The following COX7A2L variants were observed in gnomAD, a reference collection of about 807,000 sequenced individuals.
COX7A2L encodes the protein cytochrome c oxidase subunit 7A2 like, also known as cytochrome c oxidase subunit 7A2-like, mitochondrial.
In COX7A2L, 18 loss-of-function variants were observed where a neutral mutation model predicts 14.2. The ratio of observed to expected loss-of-function variants is 1.27; its 90% confidence interval spans 0.88 to 1.88. The LOEUF (loss-of-function observed/expected upper bound fraction) is 1.88. Among genes scored for constraint, COX7A2L ranks in the 40% most tolerant of loss-of-function variants. The pLI is 0.00. For missense variants in COX7A2L, 179 were observed against 138.8 expected (o/e 1.29, Z -1.46); for synonymous variants, 65 against 57.4 (o/e 1.13, Z -0.60).
At position 42,361,209 on chromosome 2, in the gene COX7A2L, C is replaced by T. The variant is rs753828368; in HGVS notation, c.-48G>A. ...GCATCCGCTGCCAACGCGACCGCCC[C>T]AGAGAAGGACCCCGCCTCCCCGGCT... On this transcript the variant is annotated 5_prime_UTR_variant, in exon 1 of 3. Coordinates refer to ENST00000234301, the MANE Select transcript of COX7A2L (RefSeq NM_004718.4). 2.6e-5 allele frequency: 40 copies of T among 1,534,688 alleles called. No homozygotes were observed. The Admixed American group carries it at 6.3e-4, about 24-fold the overall frequency.
chr2:42,361,195 C>T lies in COX7A2L; in HGVS notation c.-34G>A. On this transcript the variant is annotated 5_prime_UTR_variant, in exon 1 of 3. Coordinates refer to ENST00000234301, the MANE Select transcript of COX7A2L (RefSeq NM_004718.4). ...GAGTCCGGCTTCCCGCATCCGCTGC[C>T]AACGCGACCGCCCCAGAGAAGGACC... 1 of 1,572,642 alleles carries T rather than the reference C, an allele frequency of 6.4e-7. No homozygotes were observed. Among genetic ancestry groups the T allele is most frequent in the Non-Finnish European group, 8.7e-7 (1 of 1,154,834 alleles).
In COX7A2L at chr2:42,338,161, AC is replaced by A. The variant is rs201848865; in HGVS notation, c.193-4293del. On this transcript the variant is annotated intron_variant, in intron 2 of 2. Coordinates refer to the COX7A2L transcript ENST00000468711. The surrounding 1 kb of genome is among the most constrained non-coding windows in gnomAD (Gnocchi z 4.4). ...ACCCTACTCCCCATGCTCCTGGCCC[AC>A]ATGCAAGGCAGAGACAGCCGTTCCG... 1.2e-3 allele frequency among the ~76,000 whole-genome samples: 178 copies of A among 152,256 alleles called. 6 individuals carry two copies. In the East Asian group the frequency reaches 0.028, roughly 24 times the overall value.
chr2:42,361,723 C>T (rs1572803422), upstream of COX7A2L: 2 of 152,866 alleles, frequency 1.3e-5, no homozygotes, highest in East Asian at 1.9e-4. Flanking sequence ...CTTTACCGAA[C>T]TTTAACTGAT....
intron 2 of COX7A2L, among the ~76,000 whole-genome samples, chr2:42,336,253 A>G (rs1572780048): frequency 6.6e-6 from 1 of 152,176 alleles, no homozygotes; most frequent in South Asian, 2.1e-4. Flanking sequence ...TCTCCCTGTT[A>G]GCAATATAAT....
At chr2:42,360,896 G>A in intron 1 of COX7A2L, 194 bp downstream of exon 1, 1 of 637,924 alleles carries the variant, frequency 1.6e-6, no homozygotes, top group Non-Finnish European at 2.8e-6. Context: ...GCCCCCGCCA[G>A]GTGAGCAGGT....
At chr2:42,336,825 T>TG (rs36082333) in intron 2 of COX7A2L, among the ~76,000 whole-genome samples, 74,138 of 151,880 alleles carry the variant, frequency 0.49, 18,692 homozygotes, top group East Asian at 0.75. Context: ...GTGTGAATCC[T>TG]GGGGAGTTTA....
At chr2:42,366,740 G>C (rs1671172084) in intron 1 of COX7A2L, among the ~76,000 whole-genome samples, 1 of 152,220 alleles carries the variant, frequency 6.6e-6, no homozygotes, top group South Asian at 2.1e-4. Flanking sequence ...TTTGAGTCTA[G>C]TCTATGTTTG....
chr2:42,355,717 CTTT>C (rs386390054), intron 1 of COX7A2L, among the ~76,000 whole-genome samples: 3 of 69,052 alleles, frequency 4.3e-5, no homozygotes, highest in African/African-American at 1.2e-4. Flanking sequence ...ATCCTACGTT[CTTT>C]TTTTTTTTTT....
rs1172381152 is a variant in COX7A2L at position 42,342,312 on chromosome 2, A to G, written c.193-8443T>C. Among the ~76,000 whole-genome samples, 2 of 151,780 alleles carry G rather than the reference A, an allele frequency of 1.3e-5. No individual in the cohort carries two copies. Among genetic ancestry groups the G allele is most frequent in the African/African-American group, 4.8e-5 (2 of 41,310 alleles). On this transcript the variant is annotated intron_variant, in intron 2 of 2. Coordinates refer to the COX7A2L transcript ENST00000468711. The surrounding 1 kb of genome is among the most constrained non-coding windows in gnomAD (Gnocchi z 4.9). ...CCTGCTCTCTCCCTCTCCCTAGGAG[A>G]GCTGAGACGAGGGACTTGAGCTCTC...
chr2:42,352,381 C>G (rs1322800868), intron 2 of COX7A2L, among the ~76,000 whole-genome samples: 1 of 152,126 alleles, frequency 6.6e-6, no homozygotes, highest in Admixed American at 6.5e-5. Flanking sequence ...CCAGGCTGAT[C>G]AAGCAATCCT....
At chr2:42,360,957 G>A (rs996213946) in intron 1 of COX7A2L, 133 bp downstream of exon 1, 28 of 873,962 alleles carry the variant, frequency 3.2e-5, no homozygotes, top group Non-Finnish European at 5.0e-5. Context: ...GAGAGGCCCC[G>A]GGAGGTGCAA....
upstream of COX7A2L, among the ~76,000 whole-genome samples, chr2:42,362,655 T>C (rs1417340666): frequency 6.6e-6 from 1 of 152,142 alleles, no homozygotes; most frequent in East Asian, 1.9e-4. Flanking sequence ...GGTGAGGGTG[T>C]ACACCAGCAT....
intron 1 of COX7A2L, among the ~76,000 whole-genome samples, chr2:42,356,995 T>TAG: frequency 6.6e-6 from 1 of 152,220 alleles, no homozygotes; most frequent in African/African-American, 2.4e-5. Flanking sequence ...CTGAATCTCT[T>TAG]AGCTGCTTAA....
At chr2:42,360,543 T>G (rs1333265814) in intron 1 of COX7A2L, among the ~76,000 whole-genome samples, 2 of 152,184 alleles carry the variant, frequency 1.3e-5, no homozygotes, top group Non-Finnish European at 2.9e-5. Context: ...CGGGAAAGTG[T>G]AACCTCGCTG....
At chr2:42,347,909 G>A (rs555679889), downstream of COX7A2L, among the ~76,000 whole-genome samples, 5 of 151,964 alleles carry the variant, frequency 3.3e-5, no homozygotes, top group East Asian at 1.9e-4. Flanking sequence ...CAACAAGAGC[G>A]AAACTCCATC....
intron 2 of COX7A2L, among the ~76,000 whole-genome samples, chr2:42,337,594 A>C (rs1386184978): frequency 6.6e-6 from 1 of 152,102 alleles, no homozygotes; most frequent in East Asian, 1.9e-4. Flanking sequence ...GCTGAAAACC[A>C]AGGAAGCCTG....
Position 42,338,081 on chromosome 2 carries a change from G to A in COX7A2L, c.193-4212C>T, listed in dbSNP as rs546253784. Reference sequence around the variant, plus strand: ...CATAGGGACAAGAGACGACCCGGGAGCACTAAGAATTCATCTTCTGGTCCG... The same window carrying A: ...CATAGGGACAAGAGACGACCCGGGAACACTAAGAATTCATCTTCTGGTCCG... On this transcript the variant is annotated intron_variant, in intron 2 of 2. Transcript: ENST00000468711. This position sits in a 1 kb window ranked among gnomAD's most constrained non-coding sequence, Gnocchi z 4.4. Among the ~76,000 whole-genome samples the A allele has an allele frequency of 6.6e-6, 1 of 152,178 alleles. No individual in the cohort carries two copies. The highest frequency in any genetic ancestry group is 6.5e-5 in the Admixed American group (1 of 15,284).
intron 1 of COX7A2L, among the ~76,000 whole-genome samples, chr2:42,356,923 A>C (rs1670838423): frequency 6.6e-6 from 1 of 152,212 alleles, no homozygotes; most frequent in Non-Finnish European, 1.5e-5. Flanking sequence ...CTCTGTCTCA[A>C]AATAAAATTA....
intron 1 of COX7A2L, among the ~76,000 whole-genome samples, chr2:42,366,764 G>C (rs1050892269): frequency 1.3e-5 from 2 of 152,172 alleles, no homozygotes; most frequent in African/African-American, 4.8e-5. Context: ...AAAGTTAGCT[G>C]GTTATAAGAA....
Sources: gnomAD v4.1 joint callset for allele counts (sites outside exome capture counted in the v4.1 genomes callset) on GRCh38, gnomAD v4.1.1 for gene constraint, Gnocchi (gnomAD v3.1) non-coding constraint, MANE v1.5 for transcripts, NCBI Gene and HGNC (gene_info 2026-07-23, HGNC 2026-07-21) for gene names.